Variants in EVC observed in about 807,000 individuals in gnomAD.
EVC encodes EvC ciliary complex subunit 1.
EVC carries 116 observed loss-of-function variants against 118.9 expected under a neutral mutation model. The ratio of observed to expected loss-of-function variants is 0.98; its 90% CI spans 0.84 to 1.14. EVC has a LOEUF of 1.14. Among genes scored for constraint, EVC ranks in the 50% most tolerant of loss-of-function variants. The pLI is 0.00. For missense variants in EVC, 1,401 were observed against 1,246.4 expected (o/e 1.12, Z -1.87); for synonymous variants, 619 against 534.7 (o/e 1.16, Z -2.18).
rs541137029 is a variant in EVC at position 5,727,920 on chromosome 4, C to G, written c.301-1387C>G. On this transcript the variant is annotated intron_variant, in intron 2 of 20. Coordinates refer to ENST00000264956, the MANE Select transcript of EVC (RefSeq NM_153717.3). ...TTATTTCTGAGGGCTCTGTTCTGTT[C>G]CATTGATCTATATCTCTGTTTTGGT... Among the ~76,000 whole-genome samples the G allele has an allele frequency of 3.4e-3, 503 of 146,494 alleles. 6 individuals carry two copies. Among genetic ancestry groups the G allele is most frequent in the African/African-American group, 0.012 (461 of 39,194 alleles).
rs374386522 is a variant in EVC, at chr4:5,802,108, C to T, written c.2449+14C>T. On this transcript the variant is annotated intron_variant, in intron 16 of 20. Coordinates refer to ENST00000264956, the MANE Select transcript of EVC (RefSeq NM_153717.3). ...AGACCCTGCAGGGTACGGGACCCCC[C>T]CTCAGGGAAGCCCCAGAAGAGACTG... 2.0e-5 allele frequency: 32 copies of T among 1,614,008 alleles called. No homozygotes were observed. The highest frequency in any genetic ancestry group is 1.5e-4 in the African/African-American group (11 of 74,922).
intron 1 of EVC, among the ~76,000 whole-genome samples, chr4:5,713,084 C>G (rs1224685199): frequency 6.6e-6 from 1 of 152,110 alleles, no homozygotes; most frequent in African/African-American, 2.4e-5. Context: ...GGTTAGTATC[C>G]CATTTGCTAG....
intron 11 of EVC, among the ~76,000 whole-genome samples, chr4:5,781,983 G>A (rs1336029576): frequency 6.6e-6 from 1 of 152,176 alleles, no homozygotes; most frequent in African/African-American, 2.4e-5. Context: ...CATTCATGGG[G>A]ATGGCTGTCT....
In EVC at chr4:5,738,104, G is replaced by T. The variant is rs1727970598; in HGVS notation, c.703-3612G>T. On this transcript the variant is annotated intron_variant, in intron 5 of 20. Coordinates refer to ENST00000264956, the MANE Select transcript of EVC (RefSeq NM_153717.3). The surrounding 1 kb of genome is among the most constrained non-coding windows in gnomAD (Gnocchi z 6.5). ...CAATCCTCATGAATGACTTTGAGGG[G>T]ATTCAGAACTTCAGTGGAGGAAGTC... Among the ~76,000 whole-genome samples the T allele has an allele frequency of 6.6e-6, 1 of 152,174 alleles. No homozygotes were observed. The highest frequency in any genetic ancestry group is 6.5e-5 in the Admixed American group (1 of 15,278).
chr4:5,815,693 G>C (rs891542923), downstream of EVC, among the ~76,000 whole-genome samples: 3 of 152,190 alleles, frequency 2.0e-5, no homozygotes, highest in Non-Finnish European at 4.4e-5. Context: ...CCAGAGGAGT[G>C]GGAGATGGGA....
chr4:5,730,600 G>A (rs1457606194), intron 3 of EVC, among the ~76,000 whole-genome samples: 4 of 152,142 alleles, frequency 2.6e-5, no homozygotes, highest in Admixed American at 1.3e-4. Flanking sequence ...CTGCCTGAGT[G>A]GATTGAAATA....
intron 17 of EVC, among the ~76,000 whole-genome samples, chr4:5,806,643 A>G (rs376661961): frequency 4.5e-4 from 69 of 152,336 alleles, no homozygotes; most frequent in African/African-American, 1.4e-3. Flanking sequence ...GAATAATGCA[A>G]TGAACACACG....
Position 5,729,309 on chromosome 4 carries a change from A to T in EVC, c.303A>T (p.Glu101Asp). The T allele has an allele frequency of 1.2e-6, 2 of 1,614,152 alleles. No individual in the cohort carries two copies. Among genetic ancestry groups the T allele is most frequent in the African/African-American group, 1.3e-5 (1 of 75,034 alleles). Reference protein sequence around the residue: ...QMSKDKEAVDECEPPSNSNIT... With the variant: ...QMSKDKEAVDDCEPPSNSNIT... ...CCGTTTGTGTCTTTCCCTCCCAGGA[A>T]TGTGAGCCGCCTTCCAACAGCAATA... Residue 101 changes from glutamate (E) to aspartate (D), a missense_variant and splice_region_variant, in exon 3 of 21, where the codon GAA (glutamate) becomes GAT (aspartate). Coordinates refer to ENST00000264956, the MANE Select transcript of EVC (RefSeq NM_153717.3).
intron 11 of EVC, among the ~76,000 whole-genome samples, chr4:5,777,993 C>T (rs537817240): frequency 4.0e-5 from 6 of 149,402 alleles, no homozygotes; most frequent in African/African-American, 1.5e-4. Flanking sequence ...CCCCCCTCCC[C>T]CTACCCCACA....
intron 15 of EVC, among the ~76,000 whole-genome samples, chr4:5,800,461 C>T (rs1714765533): frequency 6.6e-6 from 1 of 152,090 alleles, no homozygotes; most frequent in African/African-American, 2.4e-5. Flanking sequence ...ATGTGTGTGC[C>T]AGTGGGTACG....
At chr4:5,716,069 C>G (rs2151816352) in intron 1 of EVC, among the ~76,000 whole-genome samples, 1 of 152,268 alleles carries the variant, frequency 6.6e-6, no homozygotes. Flanking sequence ...GTTGTAGAAC[C>G]AAACTGGGTT....
chr4:5,816,062 G>A (rs1388769607), downstream of EVC, among the ~76,000 whole-genome samples: 3 of 152,062 alleles, frequency 2.0e-5, no homozygotes, highest in Non-Finnish European at 4.4e-5. Flanking sequence ...ATTACCCAGG[G>A]GCTCATTAAA....
chr4:5,796,837 A>G (rs573709944), intron 13 of EVC, among the ~76,000 whole-genome samples, 185 bp from the exon 14 acceptor site: 11 of 151,770 alleles, frequency 7.2e-5, no homozygotes, highest in African/African-American at 2.4e-4. Flanking sequence ...AGATTAATAG[A>G]CAAGCAGATG....
chr4:5,760,742 G>A (rs1237016093), intron 11 of EVC, among the ~76,000 whole-genome samples: 4 of 152,116 alleles, frequency 2.6e-5, no homozygotes, highest in Non-Finnish European at 5.9e-5. Context: ...AGTAGAGGCA[G>A]GGTTTCACCA....
In EVC at chr4:5,731,111, G is replaced by A. The variant is rs1057394244; in HGVS notation, c.385-314G>A. Among the ~76,000 whole-genome samples, 1 of 152,004 alleles carries A rather than the reference G, an allele frequency of 6.6e-6. No individual in the cohort carries two copies. The highest frequency in any genetic ancestry group is 1.5e-5 in the Non-Finnish European group (1 of 67,994). On this transcript the variant is annotated intron_variant, in intron 3 of 20. Coordinates refer to ENST00000264956, the MANE Select transcript of EVC (RefSeq NM_153717.3). The surrounding 1 kb of genome is among the most constrained non-coding windows in gnomAD (Gnocchi z 5.6). ...CAAGCGGTGGCTATGGAGGAGGTAG[G>A]TCAGAGTTGGCAGCTGGGAGGAGGG...
chr4:5,746,917 G>A lies in EVC; in HGVS notation c.940-1231G>A, dbSNP rs1729434151. 2.6e-5 allele frequency among the ~76,000 whole-genome samples: 4 copies of A among 152,162 alleles called. No homozygotes were observed. In the South Asian group the frequency reaches 8.3e-4, roughly 32 times the overall value. On this transcript the variant is annotated intron_variant, in intron 7 of 20. Transcript: ENST00000264956. This position sits in a 1 kb window ranked among gnomAD's most constrained non-coding sequence, Gnocchi z 5.8. The stretch of plus-strand genomic sequence containing the variant: ...GAGAAAATCATGTCATGGACGCCAA[G>A]AGAATCAGGAGTTTGTAAGCAGAGC...
intron 1 of EVC, among the ~76,000 whole-genome samples, chr4:5,717,604 C>T (rs979869163): frequency 2.0e-5 from 3 of 152,214 alleles, no homozygotes. Context: ...CTGGCTTCAT[C>T]ATCCACCCCA....
Position 5,811,613 on chromosome 4 carries a change from C to T in EVC, c.*576C>T, listed in dbSNP as rs1005131194. 4.7e-5 allele frequency: 8 copies of T among 169,256 alleles called. No homozygotes were observed. The highest frequency in any genetic ancestry group is 7.6e-5 in the Non-Finnish European group (6 of 79,128). 10.5% of individuals were successfully genotyped at this position (169,256 alleles called of 1,614,324 possible). ...AGATGCTGAGAGCATCCAGAAACTT[C>T]CAGACCAGCCCTCTCACCACACCCA... On this transcript the variant is annotated 3_prime_UTR_variant, in exon 21 of 21. Transcript: ENST00000264956.
At chr4:5,734,703 A>G (rs189847230) in intron 5 of EVC, among the ~76,000 whole-genome samples, 1 of 152,334 alleles carries the variant, frequency 6.6e-6, no homozygotes, top group African/African-American at 2.4e-5. Context: ...GCCTGGAAGA[A>G]GCTTGGGCTC....
Sources: gnomAD v4.1 joint callset for allele counts (sites outside exome capture counted in the v4.1 genomes callset) on GRCh38, gnomAD v4.1.1 for gene constraint, Gnocchi (gnomAD v3.1) non-coding constraint, MANE v1.5 for transcripts, NCBI Gene and HGNC (gene_info 2026-07-23, HGNC 2026-07-21) for gene names.